Variants in THSD7B observed in about 807,000 individuals in gnomAD.
THSD7B encodes the protein thrombospondin type-1 domain-containing protein 7B.
THSD7B carries 138 observed loss-of-function variants against 213.6 expected under a neutral mutation model. That is an observed-to-expected ratio of 0.65 (90% confidence interval 0.56 to 0.74). The LOEUF (loss-of-function observed/expected upper bound fraction) is 0.74. Among genes scored for constraint, THSD7B ranks in the 30% least tolerant of loss-of-function variants. The pLI, the probability that THSD7B is intolerant of heterozygous loss-of-function variation, is 0.00. For synonymous variants in THSD7B, 742 were observed against 687.0 expected (o/e 1.08, Z -1.25); for missense variants, 1,931 against 1,991.5 (o/e 0.97, Z 0.58).
chr2:137,466,125 A>T (rs549870069), intron 15 of THSD7B, among the ~76,000 whole-genome samples: 33 of 152,144 alleles, frequency 2.2e-4, no homozygotes, highest in Non-Finnish European at 3.8e-4. Flanking sequence ...TATGGATGAG[A>T]ATTTTGTAGC....
chr2:136,802,127 A>G (rs771060909), intron 1 of THSD7B, among the ~76,000 whole-genome samples: 11 of 152,078 alleles, frequency 7.2e-5, no homozygotes, highest in Admixed American at 1.3e-4. Context: ...TATTAGGGAC[A>G]GAATAAGAAA....
intron 24 of THSD7B, among the ~76,000 whole-genome samples, chr2:137,658,846 A>G (rs1683288486): frequency 6.6e-6 from 1 of 152,226 alleles, no homozygotes; most frequent in Non-Finnish European, 1.5e-5. Flanking sequence ...TATAAACTAT[A>G]ATGGGTTGAC....
chr2:137,552,786 A>C (rs995086462), intron 15 of THSD7B, among the ~76,000 whole-genome samples: 1 of 152,200 alleles, frequency 6.6e-6, no homozygotes, highest in African/African-American at 2.4e-5. Flanking sequence ...ATCAGAATGG[A>C]GGAAAGCATA....
chr2:136,909,278 A>G (rs1319212964), intron 2 of THSD7B, among the ~76,000 whole-genome samples: 1 of 152,170 alleles, frequency 6.6e-6, no homozygotes, highest in Non-Finnish European at 1.5e-5. Context: ...ACAGTTCTAA[A>G]TGCTTGAAAT....
chr2:136,896,619 C>T (rs1207139806), intron 2 of THSD7B, among the ~76,000 whole-genome samples: 1 of 151,746 alleles, frequency 6.6e-6, no homozygotes, highest in African/African-American at 2.4e-5. Flanking sequence ...AAATCTTTGC[C>T]CTGTTCAGAG....
intron 5 of THSD7B, among the ~76,000 whole-genome samples, chr2:137,158,294 A>G (rs1346147520): frequency 6.6e-6 from 1 of 152,138 alleles, no homozygotes; most frequent in Non-Finnish European, 1.5e-5. Context: ...GTGCATCCCC[A>G]GTTCCGGTCA....
intron 12 of THSD7B, among the ~76,000 whole-genome samples, chr2:137,307,597 C>T (rs1573949035): frequency 6.6e-6 from 1 of 151,970 alleles, no homozygotes; most frequent in African/African-American, 2.4e-5. Context: ...ATGTCAAATG[C>T]CAAATGTTAA....
chr2:137,564,781 C>T (rs1681198577), intron 16 of THSD7B, among the ~76,000 whole-genome samples: 1 of 152,086 alleles, frequency 6.6e-6, no homozygotes, highest in East Asian at 1.9e-4. Flanking sequence ...TATGCCTCAG[C>T]TTAAACCTAC....
Position 137,411,892 on chromosome 2 carries a change from G to T in THSD7B, c.2959+20G>T. 6.2e-7 allele frequency: 1 copy of T among 1,613,002 alleles called. No homozygotes were observed. The highest frequency in any genetic ancestry group is 8.5e-7 in the Non-Finnish European group (1 of 1,179,182). ...GCTCTGGTAAGGAGATGGATGGAGA[G>T]TAACAGATGAGAACACTCACACACA... On this transcript the variant is annotated intron_variant, in intron 14 of 27. Transcript: ENST00000409968.
intron 5 of THSD7B, among the ~76,000 whole-genome samples, chr2:137,159,969 A>G (rs1161299511): frequency 1.3e-5 from 2 of 152,202 alleles, no homozygotes; most frequent in African/African-American, 4.8e-5. Context: ...TTCCCAGTGA[A>G]TACCCTGCAA....
chr2:137,193,957 G>T (rs1680709850), intron 7 of THSD7B, among the ~76,000 whole-genome samples: 2 of 151,610 alleles, frequency 1.3e-5, no homozygotes, highest in African/African-American at 4.9e-5. Context: ...TTGCAACCTT[G>T]GTTTTCTCAT....
intron 17 of THSD7B, among the ~76,000 whole-genome samples, chr2:137,585,300 T>G (rs950688983): frequency 3.9e-5 from 6 of 152,136 alleles, no homozygotes; most frequent in South Asian, 2.1e-4. Context: ...AGCTCCTGGA[T>G]TTATTGATTT....
intron 12 of THSD7B, among the ~76,000 whole-genome samples, chr2:137,281,128 G>A (rs6721487): frequency 0.91 from 138,997 of 152,088 alleles, 63,568 homozygotes; most frequent in East Asian, 1. Context: ...TTTTCCCTGA[G>A]AAATGTTTAG....
chr2:137,051,742 G>T (rs1331854456), intron 2 of THSD7B, among the ~76,000 whole-genome samples: 1 of 152,138 alleles, frequency 6.6e-6, no homozygotes, highest in African/African-American at 2.4e-5. Context: ...TCTTCTTATT[G>T]CATGCATGGT....
At chr2:137,262,268 A>G (rs1230046395) in intron 10 of THSD7B, among the ~76,000 whole-genome samples, 3 of 152,198 alleles carry the variant, frequency 2.0e-5, no homozygotes, top group African/African-American at 4.8e-5. Context: ...CAATTCCAGC[A>G]GTATTTTTTC....
At position 136,824,831 on chromosome 2, in the gene THSD7B, A is replaced by G. The variant is rs146602946; in HGVS notation, c.-35-57313A>G. The stretch of plus-strand genomic sequence containing the variant: ...ACTTGCCTAGCAGTTGGAGGTCTGC[A>G]TACTGACTTTGAGAATATTTCATTA... On this transcript the variant is annotated intron_variant, in intron 1 of 27. Coordinates refer to ENST00000409968, the MANE Select transcript of THSD7B (RefSeq NM_001316349.2). 9.0e-4 allele frequency among the ~76,000 whole-genome samples: 137 copies of G among 152,302 alleles called. No homozygotes were observed. In the East Asian group the frequency reaches 0.023, roughly 26 times the overall value.
intron 26 of THSD7B, among the ~76,000 whole-genome samples, chr2:137,664,216 A>G (rs1683405948): frequency 6.6e-6 from 1 of 152,218 alleles, no homozygotes; most frequent in Admixed American, 6.5e-5. Flanking sequence ...CTGAATTTGT[A>G]TATATAACTA....
At chr2:137,613,517 T>C (rs1210156442) in intron 17 of THSD7B, among the ~76,000 whole-genome samples, 1 of 152,212 alleles carries the variant, frequency 6.6e-6, no homozygotes, top group Non-Finnish European at 1.5e-5. Context: ...TGGTAAGTCA[T>C]GAAGGGGTTT....
chr2:136,876,322 C>T (rs1263401934), intron 1 of THSD7B, among the ~76,000 whole-genome samples: 1 of 152,126 alleles, frequency 6.6e-6, no homozygotes, highest in Non-Finnish European at 1.5e-5. Context: ...TTGTAGGATT[C>T]ACCAGGAAGC....
Sources: gnomAD v4.1 joint callset for allele counts (sites outside exome capture counted in the v4.1 genomes callset) on GRCh38, gnomAD v4.1.1 for gene constraint, MANE v1.5 for transcripts, NCBI Gene and HGNC (gene_info 2026-07-23, HGNC 2026-07-21) for gene names.